Variants in RAB40C observed in about 807,000 individuals in gnomAD.
The protein encoded by RAB40C is RAB40C, member RAS oncogene family.
Under a neutral mutation model 28.1 loss-of-function variants are expected in RAB40C, and 8 were observed. The observed-to-expected ratio is 0.28, with a 90% confidence interval of 0.17 to 0.51. The LOEUF is 0.51. RAB40C is among the 20% of genes least tolerant of loss of function. The probability of loss-of-function intolerance (pLI) is 0.97; values close to 1 mark genes in which losing one functional copy is unlikely to be tolerated. For missense variants in RAB40C, 288 were observed against 405.9 expected, an observed-to-expected ratio of 0.71 and a Z score of 2.50; for synonymous variants, 201 against 171.7, an observed-to-expected ratio of 1.17 and a Z score of -1.34.
chr16:595,458 T>G (rs1443556583), intron 1 of RAB40C, among the ~76,000 whole-genome samples: 1 of 152,200 alleles, frequency 6.6e-6, no homozygotes, highest in Admixed American at 6.5e-5. Flanking sequence ...GCCACACACC[T>G]GCTTCTGCTG....
intron 1 of RAB40C, among the ~76,000 whole-genome samples, chr16:603,795 C>T (rs760761770): frequency 8.5e-5 from 13 of 152,202 alleles, no homozygotes; most frequent in Admixed American, 3.9e-4. Flanking sequence ...CCCCAGCAGT[C>T]GGCTTCCATC....
At chr16:609,475 C>T (rs1004263756) in intron 1 of RAB40C, among the ~76,000 whole-genome samples, 4 of 152,022 alleles carry the variant, frequency 2.6e-5, no homozygotes, top group Non-Finnish European at 5.9e-5. Flanking sequence ...GAAGCGGCCA[C>T]GAGACGCCGC....
At chr16:612,374 T>A (rs1484813064) in intron 1 of RAB40C, among the ~76,000 whole-genome samples, 2 of 1,900 alleles carry the variant, frequency 1.1e-3, no homozygotes, top group Non-Finnish European at 8.7e-4. Flanking sequence ...GGCCTGTAGA[T>A]TCAAGAGCAG....
intron 1 of RAB40C, among the ~76,000 whole-genome samples, chr16:591,838 G>A (rs1036722656): frequency 2.6e-5 from 4 of 152,122 alleles, no homozygotes; most frequent in African/African-American, 9.7e-5. Context: ...CTCATGATCT[G>A]CCCACCTCGG....
In RAB40C at chr16:600,291, G is replaced by T. The variant is rs1012378082; in HGVS notation, c.142+9858G>T. Reference sequence around the variant, plus strand: ...GAAGAGCCTGTGTCCTCCTGGTGGGGAGGGATAGCTAGTATGTCAGCTTCT... The same window carrying T: ...GAAGAGCCTGTGTCCTCCTGGTGGGTAGGGATAGCTAGTATGTCAGCTTCT... On this transcript the variant is annotated intron_variant, in intron 1 of 5. Coordinates refer to ENST00000248139, the MANE Select transcript of RAB40C (RefSeq NM_021168.5). 2.0e-5 allele frequency among the ~76,000 whole-genome samples: 3 copies of T among 152,228 alleles called. No homozygotes were observed. In the South Asian group the frequency reaches 6.2e-4, roughly 31 times the overall value.
intron 1 of RAB40C, among the ~76,000 whole-genome samples, chr16:613,346 G>A (rs1026557090): frequency 6.6e-6 from 1 of 151,852 alleles, no homozygotes; most frequent in Non-Finnish European, 1.5e-5. Context: ...TCAAGAGCAG[G>A]GGACAGCTGC....
At chr16:596,234 G>A (rs1232099154) in intron 1 of RAB40C, 8 of 450,610 alleles carry the variant, frequency 1.8e-5, no homozygotes, top group Non-Finnish European at 3.1e-5. Context: ...AAGCCACATC[G>A]GGGAGCTGAG....
At position 625,536 on chromosome 16, in the gene RAB40C, C is replaced by T. The variant is rs201370882; in HGVS notation, c.342+27C>T. ...TAGGCCTGGGTCCGGGGAGCCCTCC[C>T]GGGGAAGGCAGGCTGGATGGAGGTA... On this transcript the variant is annotated intron_variant, in intron 4 of 5. Coordinates refer to ENST00000248139, the MANE Select transcript of RAB40C (RefSeq NM_021168.5). 2.7e-5 allele frequency: 44 copies of T among 1,608,550 alleles called. 1 individual carries two copies. In the East Asian group the frequency reaches 7.6e-4, roughly 28 times the overall value.
At chr16:626,339 C>T (rs1367614941) in intron 5 of RAB40C, among the ~76,000 whole-genome samples, 1 of 152,170 alleles carries the variant, frequency 6.6e-6, no homozygotes. Context: ...CTGATGACCC[C>T]CCCTCAGGGT....
intron 3 of RAB40C, among the ~76,000 whole-genome samples, chr16:623,421 G>C (rs990748820): frequency 1.3e-5 from 2 of 151,258 alleles, no homozygotes; most frequent in East Asian, 2.0e-4. Context: ...AGGCCGAGGT[G>C]GGCAGATCGG....
In RAB40C at chr16:618,191, A is replaced by C; in HGVS notation, c.204-9A>C. 6.2e-7 allele frequency: 1 copy of C among 1,611,446 alleles called. No individual in the cohort carries two copies. Among genetic ancestry groups the C allele is most frequent in the Non-Finnish European group, 8.5e-7 (1 of 1,179,268 alleles). ...CAGTCCCGGCCCCTCCCCTCCCCGT[A>C]TGTTTCAGGGACACGTCGGGCCAGG... is the stretch of plus-strand genomic sequence containing the variant. On this transcript the variant is annotated splice_polypyrimidine_tract_variant and intron_variant, in intron 2 of 5. Transcript: ENST00000248139.
intron 1 of RAB40C, among the ~76,000 whole-genome samples, chr16:606,506 C>T (rs1315014532): frequency 6.6e-6 from 1 of 150,884 alleles, no homozygotes; most frequent in Non-Finnish European, 1.5e-5. Context: ...ACACACAGTC[C>T]TCTCGGTCCT....
At chr16:590,505 T>C in intron 1 of RAB40C, 72 bp downstream of exon 1, 2 of 1,405,060 alleles carry the variant, frequency 1.4e-6, no homozygotes, top group Non-Finnish European at 1.9e-6. Context: ...GAGCTCGCCC[T>C]CGGCCCGGCC....
At chr16:596,981 C>T (rs1251845522) in intron 1 of RAB40C, among the ~76,000 whole-genome samples, 2 of 152,170 alleles carry the variant, frequency 1.3e-5, no homozygotes. Flanking sequence ...GACGTTTGTC[C>T]TTCAGAAATT....
intron 3 of RAB40C, among the ~76,000 whole-genome samples, chr16:621,681 C>T (rs553859744): frequency 2.4e-4 from 37 of 152,312 alleles, no homozygotes; most frequent in African/African-American, 8.4e-4. Context: ...CACCCAGGTG[C>T]AGGTCCCTTG....
Position 605,256 on chromosome 16 carries a change from A to G in RAB40C, c.143-11952A>G, listed in dbSNP as rs559776207. On this transcript the variant is annotated intron_variant, in intron 1 of 5. Coordinates refer to ENST00000248139, the MANE Select transcript of RAB40C (RefSeq NM_021168.5). ...GAAAACTGTTTGCTCAAGCAGCCCC[A>G]TTGTTTCATAGTCCCATCAGCAATG... Among the ~76,000 whole-genome samples, 8 of 152,286 alleles carry G rather than the reference A, an allele frequency of 5.3e-5. No individual in the cohort carries two copies. The East Asian group carries it at 1.2e-3, about 22-fold the overall frequency.
At position 627,777 on chromosome 16, in the gene RAB40C, G is replaced by GA; in HGVS notation, c.*156dup. ...TCACACCTGAGCCGGGTGCGAGGAG[G>GA]AGCATGCACGGACCAAGCGCGGCAG... On this transcript the variant is annotated 3_prime_UTR_variant, in exon 6 of 6. Transcript: ENST00000248139. 1 of 952,454 alleles carries GA rather than the reference G, an allele frequency of 1.0e-6. No individual in the cohort carries two copies. Among genetic ancestry groups the GA allele is most frequent in the South Asian group, 2.2e-5 (1 of 45,634 alleles). 59.0% of individuals were successfully genotyped at this position (952,454 alleles called of 1,614,324 possible).
chr16:623,416 G>A (rs752233174), intron 3 of RAB40C, among the ~76,000 whole-genome samples: 29 of 152,214 alleles, frequency 1.9e-4, no homozygotes, highest in Non-Finnish European at 4.0e-4. Context: ...TTGGGAGGCC[G>A]AGGTGGGCAG....
chr16:602,413 C>G (rs1236519935), intron 1 of RAB40C, among the ~76,000 whole-genome samples: 1 of 151,890 alleles, frequency 6.6e-6, no homozygotes, highest in Admixed American at 6.6e-5. Context: ...CACCACAACA[C>G]CTGGCTAATT....
Sources: allele counts gnomAD v4.1 joint callset (sites outside exome capture counted in the v4.1 genomes callset), GRCh38; gene constraint gnomAD v4.1.1; transcripts MANE v1.5; gene names NCBI Gene and HGNC (gene_info 2026-07-23, HGNC 2026-07-21).